Variants in SGCZ observed in about 807,000 individuals in gnomAD.
The protein encoded by SGCZ is sarcoglycan zeta.
SGCZ carries 40 observed loss-of-function variants against 41.3 expected under a neutral mutation model. The observed-to-expected ratio is 0.97, with a 90% CI of 0.75 to 1.26. SGCZ has a LOEUF of 1.26. Among genes scored for constraint, SGCZ ranks in the 50% most tolerant of loss-of-function variants. The probability of loss-of-function intolerance (pLI) is 0.00; values close to 1 mark genes in which losing one functional copy is unlikely to be tolerated. For missense variants in SGCZ, 552 were observed against 369.8 expected, an observed-to-expected ratio of 1.49 and a Z score of -4.04; for synonymous variants, 206 against 137.5, an observed-to-expected ratio of 1.50 and a Z score of -3.49.
chr8:14,963,944 G>T (rs1040040568), intron 1 of SGCZ, among the ~76,000 whole-genome samples: 8 of 152,060 alleles, frequency 5.3e-5, no homozygotes, highest in African/African-American at 1.9e-4. Context: ...TTTCTAAGTT[G>T]TTTAATATAG....
chr8:14,390,434 G>A (rs991526016), intron 2 of SGCZ, among the ~76,000 whole-genome samples: 5 of 151,570 alleles, frequency 3.3e-5, no homozygotes, highest in Non-Finnish European at 7.4e-5. Context: ...ACAAATATTA[G>A]TAATTTAAAA....
chr8:14,820,652 C>T (rs796254943), intron 1 of SGCZ, among the ~76,000 whole-genome samples: 61 of 151,986 alleles, frequency 4.0e-4, no homozygotes, highest in African/African-American at 1.4e-3. Flanking sequence ...CTTTTCTAGC[C>T]ACCATGGTGT....
intron 1 of SGCZ, among the ~76,000 whole-genome samples, chr8:14,640,657 T>A (rs919201539): frequency 2.7e-5 from 4 of 148,652 alleles, no homozygotes; most frequent in African/African-American, 1.0e-4. Flanking sequence ...GGGGTGTGTG[T>A]GTGTGTGTGT....
intron 3 of SGCZ, among the ~76,000 whole-genome samples, chr8:14,290,204 C>T (rs1193855825): frequency 2.0e-5 from 3 of 151,994 alleles, no homozygotes; most frequent in Non-Finnish European, 4.4e-5. Context: ...GGATAAAAGC[C>T]TTAAACGTAA....
chr8:14,987,662 C>A (rs557516170), intron 1 of SGCZ, among the ~76,000 whole-genome samples: 34 of 152,016 alleles, frequency 2.2e-4, no homozygotes, highest in African/African-American at 6.5e-4. Flanking sequence ...GGAAAATATT[C>A]TTTGATCCTG....
chr8:14,203,455 C>T (rs568076608), intron 4 of SGCZ, among the ~76,000 whole-genome samples: 83 of 152,042 alleles, frequency 5.5e-4, no homozygotes, highest in African/African-American at 2.0e-3. Context: ...GATTTTTGTG[C>T]CAATAATATA....
intron 1 of SGCZ, among the ~76,000 whole-genome samples, chr8:14,629,708 G>A (rs557712575): frequency 1.5e-5 from 2 of 137,358 alleles, no homozygotes; most frequent in South Asian, 2.3e-4. Context: ...GGATGTGTCT[G>A]GTCTATTTAG....
intron 1 of SGCZ, among the ~76,000 whole-genome samples, chr8:14,572,109 T>C (rs1804572696): frequency 6.6e-6 from 1 of 152,206 alleles, no homozygotes; most frequent in Non-Finnish European, 1.5e-5. Context: ...GTTTTCATGA[T>C]ACAGCATTAA....
intron 4 of SGCZ, among the ~76,000 whole-genome samples, chr8:14,185,059 T>C (rs544527601): frequency 7.0e-4 from 107 of 152,184 alleles, no homozygotes; most frequent in Non-Finnish European, 1.3e-3. Context: ...GCAAATGCTT[T>C]AGTTATGTAT....
At chr8:14,222,876 A>G (rs896011190) in intron 4 of SGCZ, among the ~76,000 whole-genome samples, 1 of 122,686 alleles carries the variant, frequency 8.2e-6, no homozygotes, top group African/African-American at 3.2e-5. Flanking sequence ...GCAGTGGGTG[A>G]TCTCCATTCA....
chr8:14,833,642 G>A (rs927189628), intron 1 of SGCZ, among the ~76,000 whole-genome samples: 1 of 151,950 alleles, frequency 6.6e-6, no homozygotes, highest in Non-Finnish European at 1.5e-5. Context: ...AAAGGTGAAT[G>A]TGCTTGCAGA....
At chr8:14,961,693 C>T (rs1800971531) in intron 1 of SGCZ, among the ~76,000 whole-genome samples, 1 of 152,004 alleles carries the variant, frequency 6.6e-6, no homozygotes, top group African/African-American at 2.4e-5. Context: ...GGAATGTATT[C>T]CTGATGGATA....
intron 3 of SGCZ, among the ~76,000 whole-genome samples, chr8:14,263,989 G>T (rs546683373): frequency 1.3e-5 from 2 of 152,282 alleles, no homozygotes; most frequent in South Asian, 2.1e-4. Context: ...TCCAGGCCAC[G>T]GCCCACAGAC....
At chr8:14,655,403 T>C (rs981129682) in intron 1 of SGCZ, among the ~76,000 whole-genome samples, 1 of 152,184 alleles carries the variant, frequency 6.6e-6, no homozygotes, top group Admixed American at 6.5e-5. Flanking sequence ...ATAACAATTC[T>C]TGTAATTTCC....
At chr8:15,076,717 C>T (rs1051505763) in intron 1 of SGCZ, among the ~76,000 whole-genome samples, 3 of 150,712 alleles carry the variant, frequency 2.0e-5, no homozygotes, top group African/African-American at 7.3e-5. Flanking sequence ...CCTGAAAGTA[C>T]TTGAGTACAC....
At chr8:14,283,140 T>C (rs1257514320) in intron 3 of SGCZ, among the ~76,000 whole-genome samples, 1 of 151,898 alleles carries the variant, frequency 6.6e-6, no homozygotes, top group Non-Finnish European at 1.5e-5. Context: ...TGAGCCACTG[T>C]GCCCAGCCTC....
chr8:14,770,091 G>A (rs911566769), intron 1 of SGCZ, among the ~76,000 whole-genome samples: 17 of 149,822 alleles, frequency 1.1e-4, no homozygotes, highest in African/African-American at 3.9e-4. Context: ...TCAAAATGAG[G>A]ATAATAGTAT....
chr8:14,947,860 C>T (rs1009671601), intron 1 of SGCZ, among the ~76,000 whole-genome samples: 3 of 152,144 alleles, frequency 2.0e-5, no homozygotes, highest in African/African-American at 7.2e-5. Flanking sequence ...AGCTACTGAG[C>T]AACAGGAATT....
intron 1 of SGCZ, among the ~76,000 whole-genome samples, chr8:14,571,538 G>A (rs766264506): frequency 6.6e-6 from 1 of 152,040 alleles, no homozygotes; most frequent in Admixed American, 6.6e-5. Flanking sequence ...TTTTTCCAAA[G>A]CTTGATTTTA....
Sources: allele counts gnomAD v4.1 joint callset (sites outside exome capture counted in the v4.1 genomes callset), GRCh38; gene constraint gnomAD v4.1.1; transcripts MANE v1.5; gene names NCBI Gene and HGNC (gene_info 2026-07-23, HGNC 2026-07-21).